Variants in FBLN5 observed in about 807,000 individuals in gnomAD.
FBLN5 encodes the protein fibulin-5.
FBLN5 carries 24 observed loss-of-function variants against 61.6 expected under a neutral mutation model. The ratio of observed to expected loss-of-function variants is 0.39; its 90% CI spans 0.28 to 0.55. The LOEUF (loss-of-function observed/expected upper bound fraction) is 0.55, where lower values mean the gene tolerates loss of function less well. Ranked by LOEUF, FBLN5 falls within the 20% of genes least tolerant of loss-of-function variation. FBLN5 has a pLI of 0.65. For missense variants in FBLN5, 470 were observed against 594.1 expected (o/e 0.79, Z 2.17); for synonymous variants, 213 against 219.8 (o/e 0.97, Z 0.27).
chr14:91,915,248 A>G (rs1891138571), intron 4 of FBLN5, among the ~76,000 whole-genome samples: 1 of 152,220 alleles, frequency 6.6e-6, no homozygotes, highest in Non-Finnish European at 1.5e-5. Flanking sequence ...AAGATCAAAT[A>G]GATAACACAA....
At chr14:91,893,042 G>T (rs753088688) in intron 5 of FBLN5, among the ~76,000 whole-genome samples, 7 of 152,112 alleles carry the variant, frequency 4.6e-5, no homozygotes, top group Non-Finnish European at 8.8e-5. Context: ...CACATCAGAG[G>T]GTTTCTGTAA....
chr14:91,932,667 G>A (rs1251903408), intron 4 of FBLN5, among the ~76,000 whole-genome samples: 1 of 152,210 alleles, frequency 6.6e-6, no homozygotes, highest in African/African-American at 2.4e-5. Flanking sequence ...ACCTGAATTG[G>A]ATCAAGTCCC....
At chr14:91,926,400 G>A (rs1045677060) in intron 4 of FBLN5, among the ~76,000 whole-genome samples, 4 of 152,198 alleles carry the variant, frequency 2.6e-5, no homozygotes, top group African/African-American at 7.2e-5. Context: ...TGGGCACCGC[G>A]TGGCCTGTGT....
chr14:91,908,210 T>C (rs1172311802), intron 4 of FBLN5, among the ~76,000 whole-genome samples: 2 of 152,250 alleles, frequency 1.3e-5, no homozygotes. Flanking sequence ...TTGTCACTGC[T>C]CTGCCTGCAC....
chr14:91,907,249 C>A (rs761911818), intron 4 of FBLN5, among the ~76,000 whole-genome samples: 3 of 152,160 alleles, frequency 2.0e-5, no homozygotes, highest in Admixed American at 6.5e-5. Flanking sequence ...CTTCTCTCCT[C>A]CTTCTAGTTG....
At chr14:91,916,729 T>A (rs1891212322) in intron 4 of FBLN5, among the ~76,000 whole-genome samples, 1 of 152,152 alleles carries the variant, frequency 6.6e-6, no homozygotes, top group African/African-American at 2.4e-5. Context: ...TCCTTTGTTA[T>A]CTGTCACTGT....
chr14:91,904,470 T>C (rs946835672), intron 4 of FBLN5, among the ~76,000 whole-genome samples: 2 of 152,224 alleles, frequency 1.3e-5, no homozygotes, highest in African/African-American at 4.8e-5. Flanking sequence ...CAGGGCTGAT[T>C]TGAAAGCAGC....
chr14:91,885,399 C>CA (rs1472204887), intron 7 of FBLN5, among the ~76,000 whole-genome samples: 3 of 151,708 alleles, frequency 2.0e-5, no homozygotes, highest in African/African-American at 7.2e-5. Context: ...CCACTGTGTC[C>CA]AAAAAAAACC....
chr14:91,888,720 A>G (rs527512188), intron 6 of FBLN5, among the ~76,000 whole-genome samples: 15 of 152,142 alleles, frequency 9.9e-5, no homozygotes, highest in Non-Finnish European at 1.9e-4. Flanking sequence ...CCACCAGCTA[A>G]CAAGGACACA....
chr14:91,873,293 G>A (rs777580970), intron 10 of FBLN5, among the ~76,000 whole-genome samples: 3 of 152,316 alleles, frequency 2.0e-5, no homozygotes, highest in East Asian at 3.9e-4. Flanking sequence ...CAGTGATGAC[G>A]GTGGTGGTTA....
chr14:91,898,287 G>T (rs1890308652), intron 4 of FBLN5, among the ~76,000 whole-genome samples: 1 of 151,982 alleles, frequency 6.6e-6, no homozygotes, highest in Non-Finnish European at 1.5e-5. Flanking sequence ...TAATGTTCAA[G>T]AACTATTGAA....
chr14:91,913,558 C>T (rs1595329219), intron 4 of FBLN5, among the ~76,000 whole-genome samples: 1 of 152,272 alleles, frequency 6.6e-6, no homozygotes, highest in South Asian at 2.1e-4. Context: ...TTTGAGGGGC[C>T]ATTATATTTC....
At position 91,891,263 on chromosome 14, in the gene FBLN5, T is replaced by C; in HGVS notation, c.577A>G (p.Asn193Asp). Residue 193 changes from asparagine (N) to aspartate (D), a missense_variant, in exon 6 of 11, where the codon AAC (asparagine) becomes GAC (aspartate). Physicochemically the swap from Asn to Asp is conservative, Grantham distance 23 (BLOSUM62 1). Coordinates refer to ENST00000342058, the MANE Select transcript of FBLN5 (RefSeq NM_006329.4). ...NVPGSYSCTCNPGFTLNEDGR... is the reference protein window; with the variant it reads ...NVPGSYSCTCDPGFTLNEDGR... ...TCCTCATTGAGGGTAAAACCAGGGT[T>C]GCATGTACAAGAATAGGATCCAGGA... is the stretch of plus-strand genomic sequence containing the variant. 1.2e-6 allele frequency: 2 copies of C among 1,613,768 alleles called. No individual in the cohort carries two copies. Among genetic ancestry groups the C allele is most frequent in the Non-Finnish European group, 8.5e-7 (1 of 1,179,646 alleles).
rs1255711669 is a variant in FBLN5 at position 91,947,554 on chromosome 14, C to G, written c.-325G>C. 1 of 461,846 alleles carries G rather than the reference C, an allele frequency of 2.2e-6. No individual in the cohort carries two copies. The highest frequency in any genetic ancestry group is 2.0e-5 in the African/African-American group (1 of 50,696). 28.6% of individuals were successfully genotyped at this position (461,846 alleles called of 1,614,324 possible). On this transcript the variant is annotated 5_prime_UTR_variant, in exon 1 of 11. Transcript: ENST00000342058. This position sits in a 1 kb window ranked among gnomAD's most constrained non-coding sequence, Gnocchi z 4.3. ...TGCAAATGGGGCCTCAGTCTGGACA[C>G]AGCTGGTTCAGATTACAGCGCTCAC...
chr14:91,876,293 C>T (rs936948733), intron 10 of FBLN5, among the ~76,000 whole-genome samples: 7 of 152,196 alleles, frequency 4.6e-5, no homozygotes, highest in African/African-American at 1.7e-4. Context: ...AGGGCCCAGT[C>T]TCTAATGAAA....
At chr14:91,946,182 T>C (rs2056180829) in intron 1 of FBLN5, among the ~76,000 whole-genome samples, 1 of 151,542 alleles carries the variant, frequency 6.6e-6, no homozygotes. Flanking sequence ...AGCTGAGTCC[T>C]GGGGGCCAAA....
At chr14:91,937,705 A>AGCCCCCACCAGCAAGAAG (rs1266051561) in intron 3 of FBLN5, among the ~76,000 whole-genome samples, 2 of 152,136 alleles carry the variant, frequency 1.3e-5, no homozygotes, top group Non-Finnish European at 2.9e-5. Context: ...CTCTGCAGAG[A>AGCCCCCACCAGCAAGAAG]GCCCCCACCA....
chr14:91,885,313 G>T (rs1353595334), intron 7 of FBLN5, among the ~76,000 whole-genome samples: 1 of 152,204 alleles, frequency 6.6e-6, no homozygotes, highest in Non-Finnish European at 1.5e-5. Flanking sequence ...CGGCATGGAT[G>T]TAAGCTTCTC....
intron 4 of FBLN5, among the ~76,000 whole-genome samples, chr14:91,912,630 G>A (rs919917042): frequency 1.8e-4 from 28 of 152,022 alleles, no homozygotes; most frequent in African/African-American, 6.8e-4. Flanking sequence ...GGGTGACAGA[G>A]CTAGACGATA....
Sources: gnomAD v4.1 joint callset for allele counts (sites outside exome capture counted in the v4.1 genomes callset) on GRCh38, gnomAD v4.1.1 for gene constraint, Gnocchi (gnomAD v3.1) non-coding constraint, MANE v1.5 for transcripts, NCBI Gene and HGNC (gene_info 2026-07-23, HGNC 2026-07-21) for gene names.